AMMECR1: variants seen among roughly 807,000 people sequenced by gnomAD.
AMMECR1 encodes AMMECR nuclear protein 1.
AMMECR1 carries 3 observed loss-of-function variants against 22.5 expected under a neutral mutation model. The observed-to-expected ratio is 0.13, with a 90% CI of 0.06 to 0.35. The LOEUF is 0.35. AMMECR1 is among the 10% of genes least tolerant of loss of function. The pLI is 1.00. For missense variants in AMMECR1, 235 were observed against 278.7 expected, an observed-to-expected ratio of 0.84 and a Z score of 1.12; for synonymous variants, 130 against 116.7, an observed-to-expected ratio of 1.11 and a Z score of -0.74.
At chrX:110,400,694 T>C (rs1232083963) in intron 2 of AMMECR1, among the ~76,000 whole-genome samples, 2 of 112,159 alleles carry the variant, frequency 1.8e-5, no homozygotes, top group Admixed American at 1.9e-4. Flanking sequence ...GCTTTCTCAG[T>C]GCCCTTAGGT....
intron 2 of AMMECR1, among the ~76,000 whole-genome samples, chrX:110,423,163 A>G (rs2068729971): frequency 9.0e-6 from 1 of 110,983 alleles, no homozygotes; most frequent in Non-Finnish European, 1.9e-5. Context: ...CCCTGTCCCT[A>G]CTAAAAATAC....
chrX:110,330,341 GA>G (rs2068115899), intron 2 of AMMECR1, among the ~76,000 whole-genome samples: 1 of 110,915 alleles, frequency 9.0e-6, no homozygotes, highest in Non-Finnish European at 1.9e-5. Context: ...TCCTCTCTTG[GA>G]AGAAGGGGTG....
At chrX:110,403,630 ACTCATAGC>A (rs1337362229) in intron 2 of AMMECR1, among the ~76,000 whole-genome samples, 1 of 111,328 alleles carries the variant, frequency 9.0e-6, no homozygotes, top group Non-Finnish European at 1.9e-5. Flanking sequence ...CCTTACCCAG[ACTCATAGC>A]CTCATAGCTA....
intron 1 of AMMECR1, among the ~76,000 whole-genome samples, chrX:110,434,040 T>C (rs2068818180): frequency 9.0e-6 from 1 of 111,455 alleles, no homozygotes; most frequent in African/African-American, 3.3e-5. Context: ...TGAGGAAGTC[T>C]CCACGAATGA....
chrX:110,378,031 A>AAAT (rs1481955905), intron 2 of AMMECR1, among the ~76,000 whole-genome samples: 38 of 107,590 alleles, frequency 3.5e-4, no homozygotes, highest in African/African-American at 1.2e-3. Context: ...AAAAAAAAAA[A>AAAT]ATATCTACCT....
rs745621644 is a variant in AMMECR1, at chrX:110,369,570, C to T, written c.-147-51721G>A. Reference sequence around the variant, plus strand: ...TTTAGAAACAGAAGTTAGATGATGTCGCTCCTCTGCTAACATCAGCCTGGG... The same window carrying T: ...TTTAGAAACAGAAGTTAGATGATGTTGCTCCTCTGCTAACATCAGCCTGGG... On this transcript the variant is annotated intron_variant, in intron 2 of 7. Transcript: ENST00000372057. Among the ~76,000 whole-genome samples the T allele has an allele frequency of 1.0e-3, 112 of 110,606 alleles. 4 individuals carry two copies. The highest frequency in any genetic ancestry group is 4.6e-3 in the Middle Eastern group (1 of 216).
At chrX:110,339,910 A>G (rs768996202) in intron 2 of AMMECR1, among the ~76,000 whole-genome samples, 1 of 110,627 alleles carries the variant, frequency 9.0e-6, no homozygotes, top group Non-Finnish European at 1.9e-5. Context: ...AAGAAATGAA[A>G]GTAATAAATC....
At chrX:110,322,103 AGTT>A (rs2068081126), upstream of AMMECR1, among the ~76,000 whole-genome samples, 1 of 112,517 alleles carries the variant, frequency 8.9e-6, no homozygotes, top group Non-Finnish European at 1.9e-5. Context: ...ATTGTTTTCT[AGTT>A]GTTTCATTTA....
At chrX:110,306,583 G>A (rs965167313) in intron 1 of AMMECR1, among the ~76,000 whole-genome samples, 2 of 109,932 alleles carry the variant, frequency 1.8e-5, no homozygotes, top group South Asian at 4.0e-4. Context: ...CTCAGCCTCC[G>A]GAGTAGCTGG....
intron 1 of AMMECR1, among the ~76,000 whole-genome samples, chrX:110,301,640 T>A (rs1255613560): frequency 9.0e-6 from 1 of 111,376 alleles, no homozygotes; most frequent in African/African-American, 3.3e-5. Context: ...ATTTCAGGGG[T>A]GTTGTGAAGC....
At chrX:110,360,960 C>T (rs988291723) in intron 2 of AMMECR1, among the ~76,000 whole-genome samples, 3 of 111,501 alleles carry the variant, frequency 2.7e-5, no homozygotes, top group Non-Finnish European at 5.7e-5. Flanking sequence ...AGTGATGCTC[C>T]GATCTTCGTG....
intron 2 of AMMECR1, among the ~76,000 whole-genome samples, chrX:110,362,186 C>T (rs1361849021): frequency 1.8e-5 from 2 of 111,820 alleles, no homozygotes; most frequent in African/African-American, 6.5e-5. Flanking sequence ...GAATCCTGAA[C>T]AAAATCTAGC....
At chrX:110,377,597 G>C (rs2068386088) in intron 2 of AMMECR1, among the ~76,000 whole-genome samples, 1 of 112,062 alleles carries the variant, frequency 8.9e-6, no homozygotes, top group African/African-American at 3.2e-5. Flanking sequence ...CTCAGGACTG[G>C]TGGAACATTT....
At chrX:110,386,715 G>C (rs1242229140) in intron 2 of AMMECR1, among the ~76,000 whole-genome samples, 1 of 111,788 alleles carries the variant, frequency 8.9e-6, no homozygotes, top group Non-Finnish European at 1.9e-5. Context: ...GTATTAGAAA[G>C]AATGAGATCT....
chrX:110,257,124 T>C (rs1429369124), intron 2 of AMMECR1, among the ~76,000 whole-genome samples: 1 of 112,114 alleles, frequency 8.9e-6, no homozygotes, highest in African/African-American at 3.2e-5. Flanking sequence ...TTAATGTCTA[T>C]AGTATAATTT....
intron 1 of AMMECR1, among the ~76,000 whole-genome samples, chrX:110,297,181 A>G (rs975507055): frequency 2.7e-5 from 3 of 112,111 alleles, no homozygotes; most frequent in South Asian, 3.7e-4. Context: ...CTTTGCCAAA[A>G]AGCCCTGTGT....
chrX:110,256,803 A>G (rs1189305923), intron 2 of AMMECR1, among the ~76,000 whole-genome samples: 1 of 111,650 alleles, frequency 9.0e-6, no homozygotes, highest in Non-Finnish European at 1.9e-5. Context: ...TCTACTTTTA[A>G]AAAGTATTTC....
chrX:110,364,698 C>T, intron 2 of AMMECR1, among the ~76,000 whole-genome samples: 1 of 111,387 alleles, frequency 9.0e-6, no homozygotes, highest in Non-Finnish European at 1.9e-5. Context: ...TGAATAGGAC[C>T]AAGGTCCATT....
rs759405444 is a variant in AMMECR1 at position 110,251,609 on chromosome X, G to A, written c.584+12880C>T. On this transcript the variant is annotated intron_variant, in intron 2 of 5. Transcript: ENST00000262844. ...ATAATTCTGGTGATTGGTGTACAAT[G>A]GCTTCAAAGGGAAGCAGGGAAACCA... is the stretch of plus-strand genomic sequence containing the variant. 2.7e-5 allele frequency among the ~76,000 whole-genome samples: 3 copies of A among 111,965 alleles called. No individual in the cohort carries two copies. In the Admixed American group the frequency reaches 2.8e-4, roughly 11 times the overall value.
Sources: gnomAD v4.1 joint callset for allele counts (sites outside exome capture counted in the v4.1 genomes callset) on GRCh38, gnomAD v4.1.1 for gene constraint, MANE v1.5 for transcripts, NCBI Gene and HGNC (gene_info 2026-07-23, HGNC 2026-07-21) for gene names.